Variants in SPAG16 observed in about 807,000 individuals in gnomAD.
SPAG16 encodes the protein sperm associated antigen 16, also known as sperm-associated antigen 16 protein.
Under a neutral mutation model 80.4 loss-of-function variants are expected in SPAG16, and 86 were observed. That is an observed-to-expected ratio of 1.07 (90% CI 0.90 to 1.28). SPAG16 has a LOEUF of 1.28. Ranked by LOEUF, SPAG16 falls within the 50% of genes most tolerant of loss-of-function variation. The pLI, the probability that SPAG16 is intolerant of heterozygous loss-of-function variation, is 0.00. For missense variants in SPAG16, 870 were observed against 765.3 expected (o/e 1.14, Z -1.61); for synonymous variants, 294 against 265.9 (o/e 1.11, Z -1.03).
At chr2:214,164,353 TTCTG>T in intron 15 of SPAG16, among the ~76,000 whole-genome samples, 1 of 152,138 alleles carries the variant, frequency 6.6e-6, no homozygotes, top group Admixed American at 6.6e-5. Flanking sequence ...AGAAAGGATG[TTCTG>T]AGATTACTTC....
At chr2:213,753,016 A>AT (rs2068150662) in intron 10 of SPAG16, among the ~76,000 whole-genome samples, 1 of 151,992 alleles carries the variant, frequency 6.6e-6, no homozygotes, top group African/African-American at 2.4e-5. Flanking sequence ...TATTTTTTCA[A>AT]TTTTTTTCTT....
At chr2:213,976,421 C>T (rs10203765) in intron 12 of SPAG16, among the ~76,000 whole-genome samples, 39,152 of 151,554 alleles carry the variant, frequency 0.26, 5,901 homozygotes, top group South Asian at 0.57. Context: ...ACTAACAGGT[C>T]TCCTCTCACA....
At chr2:213,563,607 C>T (rs2059664774) in intron 10 of SPAG16, among the ~76,000 whole-genome samples, 1 of 152,136 alleles carries the variant, frequency 6.6e-6, no homozygotes, top group Non-Finnish European at 1.5e-5. Context: ...TGGTTCAGGA[C>T]CCCATCCTTA....
intron 13 of SPAG16, among the ~76,000 whole-genome samples, chr2:214,021,836 A>G (rs1433144535): frequency 2.0e-5 from 3 of 152,138 alleles, no homozygotes; most frequent in African/African-American, 7.2e-5. Flanking sequence ...ATCTACTACC[A>G]TCAGTTATTA....
At chr2:214,077,717 G>C (rs892357341) in intron 13 of SPAG16, among the ~76,000 whole-genome samples, 1 of 152,184 alleles carries the variant, frequency 6.6e-6, no homozygotes, top group Admixed American at 6.5e-5. Flanking sequence ...AAAATATCCA[G>C]ATGATGTACC....
intron 13 of SPAG16, among the ~76,000 whole-genome samples, chr2:214,021,082 A>G (rs902044671): frequency 6.6e-6 from 1 of 152,194 alleles, no homozygotes; most frequent in African/African-American, 2.4e-5. Context: ...ATTATCACAA[A>G]AAAGGTCAAC....
intron 12 of SPAG16, among the ~76,000 whole-genome samples, chr2:213,938,103 G>A (rs988389883): frequency 1.1e-4 from 16 of 151,376 alleles, no homozygotes; most frequent in Non-Finnish European, 1.3e-4. Flanking sequence ...TGATAAAAGC[G>A]AATATATATA....
At chr2:213,385,817 C>CACACAT (rs1553643215) in intron 9 of SPAG16, among the ~76,000 whole-genome samples, 2 of 151,402 alleles carry the variant, frequency 1.3e-5, no homozygotes, top group Non-Finnish European at 2.9e-5. Context: ...CACACACACA[C>CACACAT]GTATGACTTC....
intron 10 of SPAG16, among the ~76,000 whole-genome samples, chr2:213,750,283 G>A (rs919779357): frequency 6.6e-6 from 1 of 152,128 alleles, no homozygotes; most frequent in African/African-American, 2.4e-5. Context: ...TGCATTCAAA[G>A]AGACAATTTA....
chr2:213,635,575 CTAT>C (rs1175701782), intron 10 of SPAG16, among the ~76,000 whole-genome samples: 1 of 152,058 alleles, frequency 6.6e-6, no homozygotes, highest in Non-Finnish European at 1.5e-5. Context: ...ATGCCAACAT[CTAT>C]TATATTTTGT....
At chr2:213,683,638 AC>A (rs2064507541) in intron 10 of SPAG16, among the ~76,000 whole-genome samples, 1 of 152,142 alleles carries the variant, frequency 6.6e-6, no homozygotes, top group Admixed American at 6.5e-5. Context: ...ACATTGAAAT[AC>A]ATTCTGTTCT....
chr2:213,397,869 T>C (rs575134617), intron 9 of SPAG16, among the ~76,000 whole-genome samples: 3 of 152,298 alleles, frequency 2.0e-5, no homozygotes, highest in East Asian at 3.9e-4. Flanking sequence ...TATCCCTTAA[T>C]TTACATCTTC....
At chr2:213,746,472 T>A (rs1181993300) in intron 10 of SPAG16, among the ~76,000 whole-genome samples, 2 of 152,228 alleles carry the variant, frequency 1.3e-5, no homozygotes, top group African/African-American at 2.4e-5. Context: ...GTTGTGGTGA[T>A]GCTTATGTAA....
At chr2:214,093,224 T>C (rs2052342967) in intron 13 of SPAG16, among the ~76,000 whole-genome samples, 1 of 152,050 alleles carries the variant, frequency 6.6e-6, no homozygotes, top group Non-Finnish European at 1.5e-5. Flanking sequence ...TATCTTAAAT[T>C]ATATGTTTTG....
At chr2:213,400,311 A>G (rs929041068) in intron 9 of SPAG16, among the ~76,000 whole-genome samples, 2 of 152,100 alleles carry the variant, frequency 1.3e-5, no homozygotes, top group African/African-American at 4.8e-5. Context: ...TACTGTTTCA[A>G]CTGCATCCCA....
chr2:213,873,357 T>G (rs562676241), intron 11 of SPAG16, among the ~76,000 whole-genome samples: 6 of 152,010 alleles, frequency 3.9e-5, no homozygotes, highest in Admixed American at 6.6e-5. Context: ...AATGATGCCT[T>G]TATATAATTA....
intron 11 of SPAG16, among the ~76,000 whole-genome samples, chr2:213,913,118 TTAAGA>T (rs1341419552): frequency 6.6e-6 from 1 of 152,136 alleles, no homozygotes; most frequent in Non-Finnish European, 1.5e-5. Context: ...TTTTACTTCA[TTAAGA>T]TATGTCAGAA....
At chr2:213,887,051 T>A (rs1313952291) in intron 11 of SPAG16, among the ~76,000 whole-genome samples, 1 of 152,120 alleles carries the variant, frequency 6.6e-6, no homozygotes, top group African/African-American at 2.4e-5. Flanking sequence ...TTTGTTAATA[T>A]TTTAGACCTA....
intron 12 of SPAG16, among the ~76,000 whole-genome samples, chr2:213,949,503 C>T (rs1445284178): frequency 6.6e-6 from 1 of 152,058 alleles, no homozygotes; most frequent in African/African-American, 2.4e-5. Flanking sequence ...TTTTACTCAT[C>T]CAACATGGCT....
Sources: gnomAD v4.1 joint callset for allele counts (sites outside exome capture counted in the v4.1 genomes callset) on GRCh38, gnomAD v4.1.1 for gene constraint, MANE v1.5 for transcripts, NCBI Gene and HGNC (gene_info 2026-07-23, HGNC 2026-07-21) for gene names.